UTRN: variants seen among roughly 807,000 people sequenced by gnomAD.
The protein encoded by UTRN is utrophin.
In UTRN, 283 loss-of-function variants were observed where a neutral mutation model predicts 463.9. The observed-to-expected ratio is 0.61, with a 90% CI of 0.55 to 0.67. The LOEUF (loss-of-function observed/expected upper bound fraction) is 0.67. UTRN is among the 30% of genes least tolerant of loss of function. UTRN has a pLI of 0.00. For missense variants in UTRN, 3,922 were observed against 4,084.3 expected (o/e 0.96, Z 1.08); for synonymous variants, 1,442 against 1,431.5 (o/e 1.01, Z -0.17).
At chr6:144,726,866 C>G (rs908058176) in intron 53 of UTRN, among the ~76,000 whole-genome samples, 1 of 152,136 alleles carries the variant, frequency 6.6e-6, no homozygotes, top group Non-Finnish European at 1.5e-5. Flanking sequence ...AAATAAAATT[C>G]CATCCATAAA....
intron 26 of UTRN, among the ~76,000 whole-genome samples, chr6:144,481,600 A>G (rs1791868037): frequency 6.6e-6 from 1 of 152,366 alleles, no homozygotes; most frequent in South Asian, 2.1e-4. Flanking sequence ...AAATTCACTC[A>G]CTTAAATTCT....
At chr6:144,532,834 G>T (rs901487470) in intron 42 of UTRN, among the ~76,000 whole-genome samples, 1 of 152,158 alleles carries the variant, frequency 6.6e-6, no homozygotes, top group African/African-American at 2.4e-5. Context: ...TTATTAAGCT[G>T]CCCTATTTCC....
At chr6:144,435,885 C>G in intron 9 of UTRN, 50 bp from the exon 10 acceptor site, 1 of 1,591,624 alleles carries the variant, frequency 6.3e-7, no homozygotes, top group Non-Finnish European at 8.6e-7. Flanking sequence ...TTGCTGAACA[C>G]CTCTTGCTTT....
intron 2 of UTRN, among the ~76,000 whole-genome samples, chr6:144,296,154 T>G (rs1249172066): frequency 6.6e-6 from 1 of 152,208 alleles, no homozygotes; most frequent in African/African-American, 2.4e-5. Context: ...GGGCCTGGAC[T>G]GGTACCAGTC....
At chr6:144,596,636 G>A (rs1803672852) in intron 51 of UTRN, among the ~76,000 whole-genome samples, 1 of 152,080 alleles carries the variant, frequency 6.6e-6, no homozygotes, top group African/African-American at 2.4e-5. Flanking sequence ...ACTTGAAGGT[G>A]GTTCCAAAAA....
chr6:144,567,126 G>A (rs762063236), intron 50 of UTRN, among the ~76,000 whole-genome samples: 2 of 152,082 alleles, frequency 1.3e-5, no homozygotes, highest in African/African-American at 2.4e-5. Context: ...CAGCCTTGGC[G>A]ACAGAACCAG....
chr6:144,511,444 A>G (rs1167480742), intron 35 of UTRN, among the ~76,000 whole-genome samples: 2 of 152,218 alleles, frequency 1.3e-5, no homozygotes, highest in Non-Finnish European at 2.9e-5. Flanking sequence ...ATTTTTATAT[A>G]AAATCTTCAT....
chr6:144,757,236 T>TA (rs375711274), intron 57 of UTRN, among the ~76,000 whole-genome samples: 3,959 of 115,490 alleles, frequency 0.034, 143 homozygotes, highest in East Asian at 0.11. Flanking sequence ...ACTAGAATTG[T>TA]AAAAAAAAAA....
intron 2 of UTRN, chr6:144,344,090 C>CAAAA (rs34356247): frequency 4.5e-4 from 385 of 848,798 alleles, no homozygotes; most frequent in African/African-American, 2.5e-3. Flanking sequence ...TAAAAGCCAC[C>CAAAA]AAAAAAAAAA....
At chr6:144,429,245 G>A (rs1207816933) in intron 8 of UTRN, among the ~76,000 whole-genome samples, 1 of 152,160 alleles carries the variant, frequency 6.6e-6, no homozygotes, top group African/African-American at 2.4e-5. Context: ...AAAGACTTTA[G>A]TTATAAATGT....
rs187063829 is a variant in UTRN, at chr6:144,637,675, G to A, written c.7480-40731G>A. Among the ~76,000 whole-genome samples the A allele has an allele frequency of 3.6e-3, 541 of 150,274 alleles. 1 individual carries two copies. Among genetic ancestry groups the A allele is most frequent in the Admixed American group, 8.3e-3 (125 of 15,118 alleles). On this transcript the variant is annotated intron_variant, in intron 51 of 74. Coordinates refer to ENST00000367545, the MANE Select transcript of UTRN (RefSeq NM_007124.3). ...AAAAAGAAATGGTGTTTTTCTGTAC[G>A]TGGCATATGTTTCAACATCTTGCCT...
At chr6:144,844,160 TAC>T (rs1176970984) in intron 73 of UTRN, among the ~76,000 whole-genome samples, 2 of 152,216 alleles carry the variant, frequency 1.3e-5, no homozygotes, top group African/African-American at 2.4e-5. Context: ...ATAAAATTGA[TAC>T]ATATTTTCAT....
At chr6:144,311,800 T>C (rs1381377117) in intron 2 of UTRN, 1 of 152,242 alleles carries the variant, frequency 6.6e-6, no homozygotes, top group Non-Finnish European at 1.5e-5. Context: ...GTTGGGGTTA[T>C]AGAAATATAG....
At chr6:144,433,201 T>C (rs1185877037) in intron 9 of UTRN, among the ~76,000 whole-genome samples, 1 of 151,416 alleles carries the variant, frequency 6.6e-6, no homozygotes, top group Non-Finnish European at 1.5e-5. Flanking sequence ...AGCTGTTGGG[T>C]ACACCTCCCA....
intron 23 of UTRN, among the ~76,000 whole-genome samples, chr6:144,471,032 AC>A (rs1481540898): frequency 1.2e-5 from 1 of 82,512 alleles, no homozygotes; most frequent in African/African-American, 4.8e-5. Context: ...GGAGAGGGAG[AC>A]GAGGGAGGGG....
At chr6:144,502,369 C>CATCT (rs1219274135) in intron 34 of UTRN, among the ~76,000 whole-genome samples, 1 of 151,978 alleles carries the variant, frequency 6.6e-6, no homozygotes, top group East Asian at 1.9e-4. Context: ...ATCAACCCGT[C>CATCT]ATCTACATTA....
chr6:144,445,605 C>T (rs1314606496), intron 14 of UTRN, among the ~76,000 whole-genome samples: 1 of 150,646 alleles, frequency 6.6e-6, no homozygotes, highest in Non-Finnish European at 1.5e-5. Flanking sequence ...TATTAGGAAT[C>T]ACAAAAGGGA....
intron 10 of UTRN, among the ~76,000 whole-genome samples, chr6:144,436,856 T>C (rs1366419917): frequency 7.0e-6 from 1 of 143,360 alleles, no homozygotes; most frequent in East Asian, 2.0e-4. Context: ...ATAAAATATA[T>C]AAATAAATAT....
intron 2 of UTRN, chr6:144,398,497 G>A: frequency 3.0e-6 from 1 of 330,016 alleles, no homozygotes; most frequent in Non-Finnish European, 6.0e-6. Flanking sequence ...ATCCAGGACA[G>A]TGATATTACT....
Sources: gnomAD v4.1 joint callset for allele counts (sites outside exome capture counted in the v4.1 genomes callset) on GRCh38, gnomAD v4.1.1 for gene constraint, MANE v1.5 for transcripts, NCBI Gene and HGNC (gene_info 2026-07-23, HGNC 2026-07-21) for gene names.